The following PIK3C2G variants were observed in gnomAD, a reference collection of about 807,000 sequenced individuals.
The protein encoded by PIK3C2G is phosphatidylinositol 3-kinase C2 domain-containing subunit gamma.
PIK3C2G carries 168 observed loss-of-function variants against 181.1 expected under a neutral mutation model. The observed-to-expected ratio is 0.93, with a 90% CI of 0.82 to 1.05. The LOEUF is 1.05. Ranked by LOEUF, PIK3C2G falls within the 50% of genes least tolerant of loss-of-function variation. PIK3C2G has a pLI of 0.00. For missense variants in PIK3C2G, 1,869 were observed against 1,732.8 expected (o/e 1.08, Z -1.40); for synonymous variants, 573 against 592.2 (o/e 0.97, Z 0.47).
chr12:18,544,049 CT>C (rs1485379650), intron 25 of PIK3C2G, among the ~76,000 whole-genome samples: 2 of 151,804 alleles, frequency 1.3e-5, no homozygotes, highest in Non-Finnish European at 2.9e-5. Context: ...GTCATTAAAT[CT>C]CATGAAGAGG....
the PIK3C2G span, among the ~76,000 whole-genome samples, chr12:18,691,533 G>T: frequency 2.8e-4 from 42 of 152,176 alleles, no homozygotes; most frequent in Middle Eastern, 3.4e-3. Flanking sequence ...CAGAGAAAGA[G>T]GAAGCCACAA....
intron 22 of PIK3C2G, among the ~76,000 whole-genome samples, chr12:18,500,473 G>A (rs376392598): frequency 2.6e-5 from 4 of 152,152 alleles, no homozygotes; most frequent in Non-Finnish European, 5.9e-5. Context: ...CTACGAGCGC[G>A]GCCCCCTGCT....
At chr12:18,668,780 G>A in the PIK3C2G span, among the ~76,000 whole-genome samples, 1 of 152,130 alleles carries the variant, frequency 6.6e-6, no homozygotes, top group Admixed American at 6.5e-5. Flanking sequence ...GCTGCCTGCT[G>A]ATATTCACCT....
intron 5 of PIK3C2G, among the ~76,000 whole-genome samples, chr12:18,303,335 CT>C (rs1368630302): frequency 6.8e-6 from 1 of 147,166 alleles, no homozygotes; most frequent in Non-Finnish European, 1.5e-5. Flanking sequence ...TTCTCTCTCT[CT>C]CTTTCTTTCT....
At chr12:18,360,116 G>T (rs1452623886) in intron 11 of PIK3C2G, among the ~76,000 whole-genome samples, 1 of 151,348 alleles carries the variant, frequency 6.6e-6, no homozygotes, top group East Asian at 1.9e-4. Context: ...GATTTTTTTC[G>T]TAATGATATG....
intron 31 of PIK3C2G, among the ~76,000 whole-genome samples, chr12:18,616,073 A>G (rs897414838): frequency 3.9e-5 from 6 of 152,072 alleles, no homozygotes; most frequent in African/African-American, 1.4e-4. Flanking sequence ...ATCCAATGTA[A>G]TCTTCTAGGC....
chr12:18,419,324 G>C (rs1489126965), intron 16 of PIK3C2G, among the ~76,000 whole-genome samples: 1 of 152,152 alleles, frequency 6.6e-6, no homozygotes, highest in Non-Finnish European at 1.5e-5. Context: ...ATGGGCGACT[G>C]ATAGCTAACT....
chr12:18,274,543 T>C (rs959232001), intron 1 of PIK3C2G, among the ~76,000 whole-genome samples: 1 of 152,036 alleles, frequency 6.6e-6, no homozygotes, highest in African/African-American at 2.4e-5. Flanking sequence ...CTCAGCAAAC[T>C]ATCGCAAGGA....
rs117832187 is a variant in PIK3C2G at position 18,350,827 on chromosome 12, A to G, written c.1625+3991A>G. Among the ~76,000 whole-genome samples the G allele has an allele frequency of 5.1e-3, 770 of 152,338 alleles. 4 individuals are homozygous for G. The highest frequency in any genetic ancestry group is 6.5e-3 in the Non-Finnish European group (439 of 68,026). On this transcript the variant is annotated intron_variant, in intron 11 of 32. Coordinates refer to ENST00000538779, the MANE Select transcript of PIK3C2G (RefSeq NM_001288772.2). Reference sequence around the variant, plus strand: ...TCAATTCACCAGAAAGATGCAACAAAGTAATAACATTGACAGAAATCCGAA... The same window carrying G: ...TCAATTCACCAGAAAGATGCAACAAGGTAATAACATTGACAGAAATCCGAA...
the PIK3C2G span, among the ~76,000 whole-genome samples, chr12:18,662,784 G>A: frequency 2.0e-5 from 3 of 152,054 alleles, no homozygotes; most frequent in African/African-American, 7.2e-5. Context: ...AATCAAATTA[G>A]AGAGTTATAA....
At chr12:18,699,636 A>G in the PIK3C2G span, among the ~76,000 whole-genome samples, 1 of 152,312 alleles carries the variant, frequency 6.6e-6, no homozygotes, top group East Asian at 1.9e-4. Flanking sequence ...ATAAAACTTA[A>G]TGAGACCTGA....
intron 11 of PIK3C2G, among the ~76,000 whole-genome samples, chr12:18,355,444 C>T (rs1940633430): frequency 6.6e-6 from 1 of 152,208 alleles, no homozygotes; most frequent in Non-Finnish European, 1.5e-5. Flanking sequence ...GAATAGGTTA[C>T]TTTAATCATT....
intron 1 of PIK3C2G, among the ~76,000 whole-genome samples, chr12:18,253,525 C>T (rs1446408912): frequency 1.3e-5 from 2 of 152,034 alleles, no homozygotes; most frequent in African/African-American, 2.4e-5. Flanking sequence ...GATATAAATA[C>T]CTCAAGATTT....
chr12:18,506,620 A>G (rs1358947822), intron 24 of PIK3C2G, among the ~76,000 whole-genome samples: 1 of 152,244 alleles, frequency 6.6e-6, no homozygotes, highest in Non-Finnish European at 1.5e-5. Flanking sequence ...AGATTGTTTT[A>G]TCTTAGCAAA....
intron 29 of PIK3C2G, among the ~76,000 whole-genome samples, chr12:18,568,593 A>G (rs1301509553): frequency 6.6e-6 from 1 of 152,150 alleles, no homozygotes; most frequent in East Asian, 1.9e-4. Context: ...TGTTCTGTTC[A>G]GGTATTCAAT....
chr12:18,690,850 C>T, the PIK3C2G span, among the ~76,000 whole-genome samples: 1 of 152,092 alleles, frequency 6.6e-6, no homozygotes, highest in Non-Finnish European at 1.5e-5. Context: ...GGTTGTAGAA[C>T]AGGATGAAAG....
chr12:18,703,015 A>G, the PIK3C2G span, among the ~76,000 whole-genome samples: 28 of 152,050 alleles, frequency 1.8e-4, no homozygotes, highest in Non-Finnish European at 4.0e-4. Context: ...CTGCTTTAAT[A>G]TGGAGCTAAA....
chr12:18,541,017 A>G (rs1346948243), intron 25 of PIK3C2G, among the ~76,000 whole-genome samples: 1 of 151,936 alleles, frequency 6.6e-6, no homozygotes, highest in Non-Finnish European at 1.5e-5. Context: ...CCAAGTTTAA[A>G]TTTGTGAAAG....
the PIK3C2G span, among the ~76,000 whole-genome samples, chr12:18,659,663 C>CTTTTTTTT: frequency 3.0e-5 from 4 of 133,818 alleles, no homozygotes; most frequent in Non-Finnish European, 4.8e-5. Flanking sequence ...GTTCTCCATT[C>CTTTTTTTT]TTTTTTTTTT....
Sources: allele counts gnomAD v4.1 joint callset (sites outside exome capture counted in the v4.1 genomes callset), GRCh38; gene constraint gnomAD v4.1.1; transcripts MANE v1.5; gene names NCBI Gene and HGNC (gene_info 2026-07-23, HGNC 2026-07-21).